SEMA3A: variants seen among roughly 807,000 people sequenced by gnomAD.
SEMA3A encodes semaphorin-3A.
SEMA3A carries 29 observed loss-of-function variants against 97.9 expected under a neutral mutation model. That is an observed-to-expected ratio of 0.30 (90% CI 0.22 to 0.40). SEMA3A has a LOEUF of 0.40. Ranked by LOEUF, SEMA3A falls within the 10% of genes least tolerant of loss-of-function variation. SEMA3A has a pLI of 1.00. For missense variants in SEMA3A, 763 were observed against 951.3 expected (o/e 0.80, Z 2.60); for synonymous variants, 321 against 323.7 (o/e 0.99, Z 0.09).
chr7:84,025,463 G>A (rs1791512369), intron 6 of SEMA3A, among the ~76,000 whole-genome samples: 1 of 152,122 alleles, frequency 6.6e-6, no homozygotes, highest in South Asian at 2.1e-4. Flanking sequence ...AGCACATTAA[G>A]AATGCAGGGA....
chr7:84,319,873 C>A (rs1801605117), intron 2 of SEMA3A, among the ~76,000 whole-genome samples: 1 of 152,100 alleles, frequency 6.6e-6, no homozygotes, highest in Non-Finnish European at 1.5e-5. Context: ...ATAATTTTCA[C>A]AATATAATGG....
At chr7:84,139,649 C>T (rs368880427) in intron 1 of SEMA3A, among the ~76,000 whole-genome samples, 6 of 151,942 alleles carry the variant, frequency 3.9e-5, no homozygotes, top group Admixed American at 2.6e-4. Flanking sequence ...GCATAGCTTG[C>T]GGGGCAGAAA....
At chr7:84,440,956 C>T (rs182106285) in intron 1 of SEMA3A, among the ~76,000 whole-genome samples, 199 of 152,094 alleles carry the variant, frequency 1.3e-3, no homozygotes, top group African/African-American at 4.5e-3. Flanking sequence ...GTCGGGAGTT[C>T]GAGACCAGCC....
At chr7:84,059,888 G>T (rs1793146403) in intron 5 of SEMA3A, among the ~76,000 whole-genome samples, 1 of 152,180 alleles carries the variant, frequency 6.6e-6, no homozygotes, top group East Asian at 1.9e-4. Context: ...GTAGTTAAGA[G>T]TCTGGAAAAA....
chr7:84,078,801 A>G (rs1453148875), intron 4 of SEMA3A, among the ~76,000 whole-genome samples: 1 of 151,914 alleles, frequency 6.6e-6, no homozygotes, highest in Non-Finnish European at 1.5e-5. Context: ...TCTCTGTTTT[A>G]TTTAGAAAAA....
chr7:84,193,296 CAGAAAA>C (rs1357875391), intron 1 of SEMA3A, among the ~76,000 whole-genome samples: 1 of 151,930 alleles, frequency 6.6e-6, no homozygotes, highest in Non-Finnish European at 1.5e-5. Context: ...CTAGGGCATT[CAGAAAA>C]AGATGTTCCC....
intron 6 of SEMA3A, among the ~76,000 whole-genome samples, chr7:84,024,960 G>A (rs113250541): frequency 2.0e-5 from 3 of 151,988 alleles, no homozygotes; most frequent in African/African-American, 4.8e-5. Context: ...GGTGGTGGGC[G>A]CCTGTGGACC....
At chr7:84,360,308 C>A (rs1802684214) in intron 2 of SEMA3A, among the ~76,000 whole-genome samples, 1 of 152,022 alleles carries the variant, frequency 6.6e-6, no homozygotes, top group African/African-American at 2.4e-5. Context: ...ATACACACTG[C>A]TTTAAATGTG....
intron 1 of SEMA3A, among the ~76,000 whole-genome samples, chr7:84,391,508 GAAGT>G (rs1227889206): frequency 1.3e-5 from 2 of 152,068 alleles, no homozygotes; most frequent in Admixed American, 1.3e-4. Context: ...CTCAGTGATA[GAAGT>G]AAATATTTTG....
intron 1 of SEMA3A, among the ~76,000 whole-genome samples, chr7:84,148,230 TTTTC>T (rs987785115): frequency 3.3e-5 from 5 of 151,088 alleles, no homozygotes; most frequent in African/African-American, 4.8e-5. Flanking sequence ...TTTTCTTTTC[TTTTC>T]TTTTTCTTTT....
At chr7:84,282,096 G>C (rs1333570888) in intron 3 of SEMA3A, among the ~76,000 whole-genome samples, 1 of 152,080 alleles carries the variant, frequency 6.6e-6, no homozygotes, top group Non-Finnish European at 1.5e-5. Context: ...CACTGACAAA[G>C]ATGATGTATA....
At chr7:84,189,027 C>T (rs1797964010) in intron 1 of SEMA3A, among the ~76,000 whole-genome samples, 1 of 151,810 alleles carries the variant, frequency 6.6e-6, no homozygotes, top group Non-Finnish European at 1.5e-5. Context: ...ATTGCTAGTG[C>T]CACCTATTAG....
At chr7:84,156,640 G>A (rs899680894) in intron 1 of SEMA3A, among the ~76,000 whole-genome samples, 3 of 152,058 alleles carry the variant, frequency 2.0e-5, no homozygotes, top group African/African-American at 7.2e-5. Flanking sequence ...GTATGCATGC[G>A]AGTCTGTATA....
chr7:84,094,225 A>C (rs1794681080), intron 4 of SEMA3A, among the ~76,000 whole-genome samples: 1 of 152,096 alleles, frequency 6.6e-6, no homozygotes, highest in African/African-American at 2.4e-5. Flanking sequence ...CCAGGAGAAA[A>C]GTCCACTTAG....
At chr7:84,483,800 T>G (rs1312054478) in intron 1 of SEMA3A, among the ~76,000 whole-genome samples, 1 of 151,888 alleles carries the variant, frequency 6.6e-6, no homozygotes, top group Non-Finnish European at 1.5e-5. Context: ...ATCCCAGCAC[T>G]TTGGGAGGCT....
In SEMA3A at chr7:84,244,953, T is replaced by A. The variant is rs367713564; in HGVS notation, c.-82-50285A>T. On this transcript the variant is annotated intron_variant, in intron 3 of 3. Coordinates refer to the SEMA3A transcript ENST00000424555. ...GGATCCTAGGGTTTCTGCAGAGAGA[T>A]CCACTGTTAGTCTGATGGGCTTCCC... Among the ~76,000 whole-genome samples the A allele has an allele frequency of 3.5e-4, 54 of 152,290 alleles. No homozygotes were observed. The East Asian group carries it at 6.4e-3, about 18-fold the overall frequency.
At chr7:84,289,647 T>C (rs779127004) in intron 3 of SEMA3A, among the ~76,000 whole-genome samples, 2 of 152,092 alleles carry the variant, frequency 1.3e-5, no homozygotes, top group Non-Finnish European at 2.9e-5. Flanking sequence ...TATTGAGAAC[T>C]TGGAACCCAC....
At chr7:84,025,334 T>C (rs1396138348) in intron 6 of SEMA3A, among the ~76,000 whole-genome samples, 1 of 152,206 alleles carries the variant, frequency 6.6e-6, no homozygotes, top group East Asian at 1.9e-4. Flanking sequence ...TATCACCAGA[T>C]GACTGCCAGC....
At chr7:84,107,325 A>G (rs935598408) in intron 4 of SEMA3A, among the ~76,000 whole-genome samples, 1 of 152,212 alleles carries the variant, frequency 6.6e-6, no homozygotes, top group African/African-American at 2.4e-5. Flanking sequence ...AACATTGAAA[A>G]TTAAATTTGA....
Sources: allele counts gnomAD v4.1 joint callset (sites outside exome capture counted in the v4.1 genomes callset), GRCh38; gene constraint gnomAD v4.1.1; transcripts MANE v1.5; gene names NCBI Gene and HGNC (gene_info 2026-07-23, HGNC 2026-07-21).